Variants in COMMD1 observed in about 807,000 individuals in gnomAD.
The protein encoded by COMMD1 is copper metabolism domain containing 1.
Under a neutral mutation model 17.2 loss-of-function variants are expected in COMMD1, and 10 were observed. That is an observed-to-expected ratio of 0.58 (90% confidence interval 0.36 to 0.99). COMMD1 has a LOEUF of 0.99. Ranked by LOEUF, COMMD1 falls within the 50% of genes least tolerant of loss-of-function variation. The pLI, the probability that COMMD1 is intolerant of heterozygous loss-of-function variation, is 0.01. For missense variants in COMMD1, 270 were observed against 231.8 expected (o/e 1.17, Z -1.07); for synonymous variants, 97 against 91.6 (o/e 1.06, Z -0.34).
At chr2:62,066,511 C>T (rs1244678459) in intron 2 of COMMD1, among the ~76,000 whole-genome samples, 1 of 150,614 alleles carries the variant, frequency 6.6e-6, no homozygotes, top group Non-Finnish European at 1.5e-5. Context: ...TCTCGGCTCA[C>T]GGCAAGCTCT....
At chr2:61,952,948 T>C (rs780300346) in intron 1 of COMMD1, among the ~76,000 whole-genome samples, 2 of 152,226 alleles carry the variant, frequency 1.3e-5, no homozygotes, top group Non-Finnish European at 2.9e-5. Flanking sequence ...TTTGTGCTCC[T>C]ACTAACAGTT....
At chr2:62,058,811 G>T (rs903469789) in intron 2 of COMMD1, among the ~76,000 whole-genome samples, 1 of 151,374 alleles carries the variant, frequency 6.6e-6, no homozygotes, top group African/African-American at 2.4e-5. Flanking sequence ...ATGGAGTTTT[G>T]CTCTTTTTGT....
intron 2 of COMMD1, among the ~76,000 whole-genome samples, chr2:62,064,265 C>T (rs903017720): frequency 1.3e-5 from 2 of 152,066 alleles, no homozygotes; most frequent in Non-Finnish European, 2.9e-5. Context: ...CCTCCACCTC[C>T]TGGGTTCAAG....
At chr2:62,104,633 CA>C (rs35679940) in intron 2 of COMMD1, among the ~76,000 whole-genome samples, 22,112 of 76,748 alleles carry the variant, frequency 0.29, 1,124 homozygotes, top group Admixed American at 0.33. Context: ...GACTCCGTCT[CA>C]AAAAAAAAAA....
chr2:62,062,364 T>C (rs1670884775), intron 2 of COMMD1, among the ~76,000 whole-genome samples: 2 of 151,926 alleles, frequency 1.3e-5, no homozygotes, highest in Admixed American at 1.3e-4. Flanking sequence ...GTAGCTGGGA[T>C]TACAGGTGCA....
At chr2:62,052,725 G>A (rs1311859850) in intron 2 of COMMD1, among the ~76,000 whole-genome samples, 3 of 152,076 alleles carry the variant, frequency 2.0e-5, no homozygotes, top group African/African-American at 7.2e-5. Flanking sequence ...TCATGTTTAT[G>A]GAAAATTCTT....
chr2:62,115,543 A>G (rs1672567765), intron 2 of COMMD1, among the ~76,000 whole-genome samples: 1 of 152,238 alleles, frequency 6.6e-6, no homozygotes. Context: ...GTGATTATAG[A>G]TTTGATTCTG....
intron 1 of COMMD1, among the ~76,000 whole-genome samples, chr2:61,927,838 C>G (rs1318911118): frequency 6.6e-6 from 1 of 152,058 alleles, no homozygotes; most frequent in Non-Finnish European, 1.5e-5. Context: ...TGCAATGGCT[C>G]ACTGCAACTT....
At chr2:61,936,664 G>T (rs2103623468) in intron 1 of COMMD1, among the ~76,000 whole-genome samples, 1 of 152,266 alleles carries the variant, frequency 6.6e-6, no homozygotes. Flanking sequence ...GAACTCCTGG[G>T]CTCAAGCGAT....
At chr2:61,906,226 G>A (rs1388483122) in intron 1 of COMMD1, among the ~76,000 whole-genome samples, 1 of 152,178 alleles carries the variant, frequency 6.6e-6, no homozygotes, top group African/African-American at 2.4e-5. Flanking sequence ...GTGGAAGTTG[G>A]GAGCGTTAAA....
At chr2:61,979,897 C>T (rs981309443) in intron 1 of COMMD1, among the ~76,000 whole-genome samples, 1 of 117,094 alleles carries the variant, frequency 8.5e-6, no homozygotes, top group African/African-American at 3.3e-5. Context: ...ATCCCTCCCC[C>T]CTCCCCCGAC....
At chr2:61,895,641 G>T (rs1669535325) in intron 1 of COMMD1, among the ~76,000 whole-genome samples, 1 of 152,122 alleles carries the variant, frequency 6.6e-6, no homozygotes, top group Non-Finnish European at 1.5e-5. Flanking sequence ...TGCTACCCAT[G>T]CCCCAGGAAG....
At chr2:62,042,432 C>T (rs182646295) in intron 2 of COMMD1, among the ~76,000 whole-genome samples, 275 of 152,304 alleles carry the variant, frequency 1.8e-3, no homozygotes, top group African/African-American at 5.8e-3. Flanking sequence ...TGGCACTCTC[C>T]GGGGGACTTT....
intron 1 of COMMD1, among the ~76,000 whole-genome samples, chr2:61,889,788 C>G (rs1239574671): frequency 6.6e-6 from 1 of 152,152 alleles, no homozygotes; most frequent in African/African-American, 2.4e-5. Flanking sequence ...ACACTAGTGT[C>G]TCCTGCATGA....
intron 2 of COMMD1, among the ~76,000 whole-genome samples, chr2:62,064,278 A>T (rs545108191): frequency 1.6e-4 from 24 of 152,078 alleles, no homozygotes; most frequent in African/African-American, 5.1e-4. Flanking sequence ...GGTTCAAGTG[A>T]TTCTCCTGCT....
chr2:62,050,093 G>T (rs1670496704), intron 2 of COMMD1, among the ~76,000 whole-genome samples: 1 of 152,028 alleles, frequency 6.6e-6, no homozygotes, highest in South Asian at 2.1e-4. Flanking sequence ...GAAACACCTG[G>T]GAATCTTAAT....
intron 2 of COMMD1, among the ~76,000 whole-genome samples, chr2:62,134,668 C>T (rs527297802): frequency 6.6e-6 from 1 of 151,636 alleles, no homozygotes; most frequent in Non-Finnish European, 1.5e-5. Flanking sequence ...GTCCTAGCTA[C>T]TCAGGAGGCT....
chr2:61,974,063 G>A (rs1446889906), intron 1 of COMMD1, among the ~76,000 whole-genome samples: 1 of 152,246 alleles, frequency 6.6e-6, no homozygotes, highest in Admixed American at 6.5e-5. Context: ...GGAGGCTGAG[G>A]TGGGCAGATC....
upstream of COMMD1, among the ~76,000 whole-genome samples, chr2:61,903,326 C>A (rs923112028): frequency 1.3e-5 from 2 of 151,794 alleles, no homozygotes; most frequent in African/African-American, 2.4e-5. Flanking sequence ...TGCCTATAAT[C>A]CCAGCTACTT....
Sources: allele counts gnomAD v4.1 joint callset (sites outside exome capture counted in the v4.1 genomes callset), GRCh38; gene constraint gnomAD v4.1.1; transcripts MANE v1.5; gene names NCBI Gene and HGNC (gene_info 2026-07-23, HGNC 2026-07-21).